CABLES2: variants seen among roughly 807,000 people sequenced by gnomAD.
CABLES2 encodes Cdk5 and Abl enzyme substrate 2, also known as CDK5 and ABL1 enzyme substrate 2.
In CABLES2, 35 loss-of-function variants were observed where a neutral mutation model predicts 44.8. The observed-to-expected ratio is 0.78, with a 90% CI of 0.60 to 1.04. The LOEUF (loss-of-function observed/expected upper bound fraction) is 1.04. Ranked by LOEUF, CABLES2 falls within the 50% of genes least tolerant of loss-of-function variation. The pLI, the probability that CABLES2 is intolerant of heterozygous loss-of-function variation, is 0.00. For missense variants in CABLES2, 566 were observed against 615.7 expected (o/e 0.92, Z 0.85); for synonymous variants, 282 against 281.1 (o/e 1.00, Z -0.03).
In CABLES2 at chr20:62,396,089, A is replaced by G. The variant is rs1044217470; in HGVS notation, c.527+226T>C. ...GTCCACGTGTGACCCTTCACCTGGG[A>G]GCCCAGAGAGGGTGATCTCGCTGTG... On this transcript the variant is annotated intron_variant, in intron 3 of 9. Coordinates refer to ENST00000279101, the MANE Select transcript of CABLES2 (RefSeq NM_031215.3). The surrounding 1 kb of genome is among the most constrained non-coding windows in gnomAD (Gnocchi z 5.7). Among the ~76,000 whole-genome samples, 4 of 152,124 alleles carry G rather than the reference A, an allele frequency of 2.6e-5. No homozygotes were observed. Among genetic ancestry groups the G allele is most frequent in the African/African-American group, 9.7e-5 (4 of 41,408 alleles).
chr20:62,400,190 A>G (rs1333383533), intron 1 of CABLES2, among the ~76,000 whole-genome samples: 1 of 151,728 alleles, frequency 6.6e-6, no homozygotes, highest in Non-Finnish European at 1.5e-5. Context: ...AAGGTGGGTG[A>G]GCAGCTGGCC....
At chr20:62,398,590 G>A (rs894629877) in intron 1 of CABLES2, among the ~76,000 whole-genome samples, 1 of 152,204 alleles carries the variant, frequency 6.6e-6, no homozygotes, top group Admixed American at 6.5e-5. Flanking sequence ...GGTCCCATGG[G>A]CCTTCCCCCA....
intron 1 of CABLES2, among the ~76,000 whole-genome samples, chr20:62,398,169 GTAA>G (rs1277022649): frequency 2.0e-4 from 24 of 121,982 alleles, no homozygotes; most frequent in East Asian, 1.2e-3. Flanking sequence ...GGTGATGGTG[GTAA>G]TGGTGGTGGT....
At chr20:62,398,261 ATGGTGATGGCGGTGGTGG>A (rs1988116703) in intron 1 of CABLES2, among the ~76,000 whole-genome samples, 1 of 63,252 alleles carries the variant, frequency 1.6e-5, no homozygotes, top group African/African-American at 7.1e-5. Flanking sequence ...GGTGGTGGTG[ATGGTGATGGCGGTGGTGG>A]TGGTGGTGAT....
chr20:62,393,007 G>C lies in CABLES2; in HGVS notation c.897C>G (p.Asp299Glu). The C allele has an allele frequency of 1.2e-6, 2 of 1,613,860 alleles. No homozygotes were observed. The highest frequency in any genetic ancestry group is 1.7e-6 in the Non-Finnish European group (2 of 1,179,892). The change falls in exon 7 of 10, where the codon GAC becomes GAG. Residue 299 changes from aspartate (D) to glutamate (E), a missense_variant. By Grantham distance (45) the Asp-to-Glu change is conservative. Around this residue, in one of 2 missense-constraint regions of CABLES2, gnomAD observed 436 missense variants for 536.3 expected, o/e 0.81. Coordinates refer to ENST00000279101, the MANE Select transcript of CABLES2 (RefSeq NM_031215.3). ...ASTELGSDVG[D>E]TLEYNPNLLD... ...GGAGGTTGGGGTTGTACTCCAGGGT[G>C]TCCCCCACGTCACTCCCTGTAAGAG...
chr20:62,406,658 C>CA (rs1396713192), intron 1 of CABLES2, among the ~76,000 whole-genome samples: 2 of 148,162 alleles, frequency 1.3e-5, no homozygotes, highest in African/African-American at 5.2e-5. Flanking sequence ...CCCAGACTGA[C>CA]CCTGACCCCT....
chr20:62,407,251 G>C lies in CABLES2; in HGVS notation c.26C>G (p.Ala9Gly). Reference sequence around the variant, plus strand: ...GGCGGGGCCGGGGGCCGGGCCCGGGGCTCCACCGGCCGCGGCCGCGGCCAT... The same window carrying C: ...GGCGGGGCCGGGGGCCGGGCCCGGGCCTCCACCGGCCGCGGCCGCGGCCAT... MAAAAAGG[A>G]PGPAPGPAGP... The change falls in exon 1 of 10, where the codon GCC becomes GGC. Residue 9 changes from alanine (A) to glycine (G), a missense_variant. Physicochemically the swap from Ala to Gly is moderately conservative, Grantham distance 60 (BLOSUM62 0). This residue lies in a region of CABLES2 where 130 missense variants were observed against 79.4 expected (regional missense o/e 1.64). Coordinates refer to ENST00000279101, the MANE Select transcript of CABLES2 (RefSeq NM_031215.3). 2.9e-6 allele frequency: 2 copies of C among 691,578 alleles called. No homozygotes were observed. Among genetic ancestry groups the C allele is most frequent in the Non-Finnish European group, 3.5e-6 (2 of 565,334 alleles). The allele number at this position is 691,578 out of a possible 1,614,324, so 42.8% of individuals were successfully genotyped here. A position where few individuals can be genotyped will look rare whatever the true frequency, so the allele number is the denominator to read the frequency against.
intron 1 of CABLES2, among the ~76,000 whole-genome samples, chr20:62,398,817 G>A (rs533250200): frequency 1.7e-4 from 26 of 152,356 alleles, no homozygotes; most frequent in African/African-American, 3.8e-4. Context: ...ACCAACACTC[G>A]ACGGCTCACA....
chr20:62,394,301 C>T lies in CABLES2; in HGVS notation c.606-36G>A, dbSNP rs147999484. 4.1e-4 allele frequency: 646 copies of T among 1,566,976 alleles called. 1 individual carries two copies. In the African/African-American group the frequency reaches 6.4e-3, roughly 15 times the overall value. The stretch of plus-strand genomic sequence containing the variant: ...GGGAGAGGCAAGGGGCTGTGGTCTG[C>T]GCTGAACTCAGGCTCTGGCAGCCCA... On this transcript the variant is annotated intron_variant, in intron 4 of 9. Coordinates refer to ENST00000279101, the MANE Select transcript of CABLES2 (RefSeq NM_031215.3).
intron 1 of CABLES2, among the ~76,000 whole-genome samples, chr20:62,400,546 A>C (rs2146427342): frequency 6.6e-6 from 1 of 152,254 alleles, no homozygotes; most frequent in South Asian, 2.1e-4. Flanking sequence ...GTGTGTCCTG[A>C]CCTACAAGGC....
chr20:62,398,166 G>A (rs1279094522), intron 1 of CABLES2, among the ~76,000 whole-genome samples: 11 of 121,886 alleles, frequency 9.0e-5, no homozygotes, highest in African/African-American at 6.1e-5. Context: ...GACGGTGATG[G>A]TGGTAATGGT....
chr20:62,401,778 T>C (rs1456038683), intron 1 of CABLES2, among the ~76,000 whole-genome samples: 2 of 152,142 alleles, frequency 1.3e-5, no homozygotes, highest in Admixed American at 1.3e-4. Flanking sequence ...AGCTGGGGGA[T>C]TGGCCTGTGT....
intron 3 of CABLES2, among the ~76,000 whole-genome samples, chr20:62,395,929 C>T (rs1290944198): frequency 2.0e-5 from 3 of 152,322 alleles, no homozygotes; most frequent in East Asian, 3.9e-4. Context: ...CTTTGGGCAG[C>T]CAGGTGTTTG....
At chr20:62,395,259 A>G (rs1401739763) in intron 3 of CABLES2, among the ~76,000 whole-genome samples, 1 of 152,160 alleles carries the variant, frequency 6.6e-6, no homozygotes, top group South Asian at 2.1e-4. Flanking sequence ...CCTCCCTGGG[A>G]CGCCGCTGCA....
chr20:62,398,277 T>C (rs1336126086), intron 1 of CABLES2, among the ~76,000 whole-genome samples: 1 of 136,892 alleles, frequency 7.3e-6, no homozygotes, highest in South Asian at 2.7e-4. Flanking sequence ...ATGGCGGTGG[T>C]GGTGGTGGTG....
At chr20:62,398,468 C>T (rs987200819) in intron 1 of CABLES2, among the ~76,000 whole-genome samples, 1 of 152,122 alleles carries the variant, frequency 6.6e-6, no homozygotes, top group Non-Finnish European at 1.5e-5. Context: ...AGCGTGTCAA[C>T]AGTAGCCTTT....
Position 62,391,554 on chromosome 20 carries a change from G to T in CABLES2, c.1092-101C>A. On this transcript the variant is annotated intron_variant, in intron 8 of 9. Coordinates refer to ENST00000279101, the MANE Select transcript of CABLES2 (RefSeq NM_031215.3). This position sits in a 1 kb window ranked among gnomAD's most constrained non-coding sequence, Gnocchi z 5.7. Reference sequence around the variant, plus strand: ...CCGAGGCTGGAGCGATGTAGCTTTGGGCCGCAAGAAACACCACCGCATCCT... The same window carrying T: ...CCGAGGCTGGAGCGATGTAGCTTTGTGCCGCAAGAAACACCACCGCATCCT... 8.0e-7 allele frequency: 1 copy of T among 1,249,294 alleles called. No individual in the cohort carries two copies. The highest frequency in any genetic ancestry group is 1.2e-6 in the Non-Finnish European group (1 of 864,920). The allele number at this position is 1,249,294 out of a possible 1,614,324, so 77.4% of individuals were successfully genotyped here.
rs772317990 is a variant in CABLES2, at chr20:62,392,507, A to T, written c.985-12T>A. The T allele has an allele frequency of 3.7e-6, 6 of 1,605,766 alleles. No individual in the cohort carries two copies. The highest frequency in any genetic ancestry group is 4.3e-6 in the Non-Finnish European group (5 of 1,172,516). Reference sequence around the variant, plus strand: ...TCTATCACTGTGGTCTGCAACAGAGAGTGGGCAGGGTTGGGCCGGCCCCTC... The same window carrying T: ...TCTATCACTGTGGTCTGCAACAGAGTGTGGGCAGGGTTGGGCCGGCCCCTC... On this transcript the variant is annotated splice_polypyrimidine_tract_variant and intron_variant, in intron 7 of 9. Coordinates refer to ENST00000279101, the MANE Select transcript of CABLES2 (RefSeq NM_031215.3).
Position 62,396,314 on chromosome 20 carries a change from C to T in CABLES2, c.527+1G>A. 6.2e-7 allele frequency: 1 copy of T among 1,613,484 alleles called. No homozygotes were observed. Among genetic ancestry groups the T allele is most frequent in the Non-Finnish European group, 8.5e-7 (1 of 1,179,574 alleles). On this transcript the variant is annotated splice_donor_variant, in intron 3 of 9. Transcript: ENST00000279101. LOFTEE classifies it high-confidence loss of function. This position sits in a 1 kb window ranked among gnomAD's most constrained non-coding sequence, Gnocchi z 5.7. ...GCCCGGTTCCCGGCTCCGCTTCATA[C>T]CTGCTGTTCCTGGTGTCGTACTGCC...
Sources: gnomAD v4.1 joint callset for allele counts (sites outside exome capture counted in the v4.1 genomes callset) on GRCh38, gnomAD v4.1.1 for gene constraint, gnomAD v4.1.1 regional missense constraint, Gnocchi (gnomAD v3.1) non-coding constraint, MANE v1.5 for transcripts, NCBI Gene and HGNC (gene_info 2026-07-23, HGNC 2026-07-21) for gene names.